SCHIP1: variants seen among roughly 807,000 people sequenced by gnomAD.
The protein encoded by SCHIP1 is schwannomin-interacting protein 1.
In SCHIP1, 8 loss-of-function variants were observed where a neutral mutation model predicts 29.7. The ratio of observed to expected loss-of-function variants is 0.27; its 90% CI spans 0.16 to 0.49. SCHIP1 has a LOEUF of 0.49. Among genes scored for constraint, SCHIP1 ranks in the 20% least tolerant of loss-of-function variants. SCHIP1 has a pLI of 0.99. For missense variants in SCHIP1, 193 were observed against 294.6 expected, an observed-to-expected ratio of 0.66 and a Z score of 2.52; for synonymous variants, 76 against 94.9, an observed-to-expected ratio of 0.80 and a Z score of 1.16.
the SCHIP1 span, among the ~76,000 whole-genome samples, chr3:159,619,071 A>T: frequency 6.6e-6 from 1 of 152,230 alleles, no homozygotes; most frequent in Non-Finnish European, 1.5e-5. Flanking sequence ...TGGGCTGTAA[A>T]TTTATACCAA....
At chr3:159,711,205 T>TTAAA in the SCHIP1 span, among the ~76,000 whole-genome samples, 10 of 126,826 alleles carry the variant, frequency 7.9e-5, no homozygotes, top group South Asian at 2.4e-4. Context: ...TTAAGAAATT[T>TTAAA]AAAAAATTAG....
chr3:159,569,561 T>A, the SCHIP1 span, among the ~76,000 whole-genome samples: 1 of 152,210 alleles, frequency 6.6e-6, no homozygotes, highest in Non-Finnish European at 1.5e-5. Context: ...CTGTATCTAG[T>A]CTATCACTGA....
the SCHIP1 span, among the ~76,000 whole-genome samples, chr3:159,311,376 A>C: frequency 6.6e-6 from 1 of 152,110 alleles, no homozygotes. Context: ...AAAGGGAGTT[A>C]ATTTTTATGC....
At chr3:159,628,905 A>C in the SCHIP1 span, among the ~76,000 whole-genome samples, 1 of 152,222 alleles carries the variant, frequency 6.6e-6, no homozygotes, top group African/African-American at 2.4e-5. Context: ...TCATAAAAAC[A>C]TACAGTTGGT....
At chr3:159,400,075 G>A in the SCHIP1 span, among the ~76,000 whole-genome samples, 1 of 152,174 alleles carries the variant, frequency 6.6e-6, no homozygotes, top group Admixed American at 6.5e-5. Flanking sequence ...GTGGACCACA[G>A]GTTGATAGCA....
chr3:159,519,630 C>T, the SCHIP1 span, among the ~76,000 whole-genome samples: 239 of 152,120 alleles, frequency 1.6e-3, no homozygotes, highest in Middle Eastern at 6.8e-3. Context: ...TTGTGGTAAA[C>T]AACAGTGCAT....
chr3:159,791,949 A>G, the SCHIP1 span, among the ~76,000 whole-genome samples: 1 of 152,152 alleles, frequency 6.6e-6, no homozygotes, highest in African/African-American at 2.4e-5. Flanking sequence ...ATGCCGGGTA[A>G]TATTCTTATT....
chr3:159,480,827 T>C, the SCHIP1 span, among the ~76,000 whole-genome samples: 91,826 of 151,972 alleles, frequency 0.6, 27,934 homozygotes, highest in East Asian at 0.79. Context: ...GTCCACCAAA[T>C]AGGCTTCGTT....
the SCHIP1 span, among the ~76,000 whole-genome samples, chr3:159,828,378 T>TAC: frequency 2.7e-5 from 2 of 74,606 alleles, no homozygotes; most frequent in African/African-American, 1.0e-4. Context: ...TATATATACA[T>TAC]ATATATATAC....
chr3:159,473,674 G>GAAAAAAA, the SCHIP1 span, among the ~76,000 whole-genome samples: 65 of 81,398 alleles, frequency 8.0e-4, no homozygotes, highest in South Asian at 1.3e-3. Flanking sequence ...ATGTAACTAC[G>GAAAAAAA]AAAAAAAAAA....
chr3:159,895,197 G>T (rs1717942785), intron 6 of SCHIP1, among the ~76,000 whole-genome samples: 3 of 152,226 alleles, frequency 2.0e-5, no homozygotes, highest in Admixed American at 2.0e-4. Context: ...AAGGAATGGA[G>T]AGCTATCGAT....
chr3:159,469,987 G>C, the SCHIP1 span, among the ~76,000 whole-genome samples: 1 of 152,048 alleles, frequency 6.6e-6, no homozygotes, highest in Admixed American at 6.6e-5. Context: ...TGCAAAGATA[G>C]TTCAATGCAA....
chr3:159,809,737 A>G, the SCHIP1 span, among the ~76,000 whole-genome samples: 1 of 151,906 alleles, frequency 6.6e-6, no homozygotes, highest in Admixed American at 6.6e-5. Flanking sequence ...GCAGTGGCTC[A>G]TGCCTGTAAT....
the SCHIP1 span, among the ~76,000 whole-genome samples, chr3:159,648,432 C>T: frequency 3.3e-5 from 5 of 152,106 alleles, no homozygotes; most frequent in Non-Finnish European, 5.9e-5. Flanking sequence ...TAAATAAGGA[C>T]AATAATGCCT....
chr3:159,654,576 T>C, the SCHIP1 span, among the ~76,000 whole-genome samples: 1 of 152,048 alleles, frequency 6.6e-6, no homozygotes, highest in Non-Finnish European at 1.5e-5. Context: ...ATATGTCTGG[T>C]GCCTATAATT....
the SCHIP1 span, among the ~76,000 whole-genome samples, chr3:159,782,472 A>C: frequency 0.25 from 37,711 of 152,212 alleles, 4,927 homozygotes; most frequent in East Asian, 0.45. Flanking sequence ...TTGGTATGTA[A>C]TACCCTCTTA....
At chr3:159,322,711 C>T in the SCHIP1 span, among the ~76,000 whole-genome samples, 1 of 152,164 alleles carries the variant, frequency 6.6e-6, no homozygotes, top group Non-Finnish European at 1.5e-5. Context: ...CTTGTTAAAC[C>T]TGGCTCAGGG....
At chr3:159,510,655 G>C in the SCHIP1 span, among the ~76,000 whole-genome samples, 1 of 152,156 alleles carries the variant, frequency 6.6e-6, no homozygotes, top group Non-Finnish European at 1.5e-5. Context: ...TGGTGTGGAT[G>C]TCCTTTCTGT....
chr3:159,853,479 G>A, intron 1 of SCHIP1: 1 of 684,902 alleles, frequency 1.5e-6, no homozygotes, highest in Non-Finnish European at 2.7e-6. Context: ...GAGCTCTTTT[G>A]TTTATAAACA....
Sources: gnomAD v4.1 joint callset for allele counts (sites outside exome capture counted in the v4.1 genomes callset) on GRCh38, gnomAD v4.1.1 for gene constraint, MANE v1.5 for transcripts, NCBI Gene and HGNC (gene_info 2026-07-23, HGNC 2026-07-21) for gene names.